Variants in WDR1 observed in about 807,000 individuals in gnomAD.
WDR1 encodes WD repeat domain 1.
A neutral mutation model predicts 71.9 loss-of-function variants in WDR1; 21 were observed. That is an observed-to-expected ratio of 0.29 (90% CI 0.21 to 0.42). The LOEUF (loss-of-function observed/expected upper bound fraction) is 0.42. Ranked by LOEUF, WDR1 falls within the 10% of genes least tolerant of loss-of-function variation. WDR1 has a pLI of 1.00. For synonymous variants in WDR1, 424 were observed against 347.4 expected (o/e 1.22, Z -2.45); for missense variants, 696 against 824.5 (o/e 0.84, Z 1.91).
chr4:10,116,752 C>CG lies in WDR1; in HGVS notation c.-87_-86insC. On this transcript the variant is annotated 5_prime_UTR_variant, in exon 1 of 15. Coordinates refer to ENST00000499869, the MANE Select transcript of WDR1 (RefSeq NM_017491.5). ...GAATTACACCTCGCCGAGGCCGAGC[C>CG]CGGGGACTGGAGCCGGAAGGCGGCA... 1 of 1,258,258 alleles carries CG rather than the reference C, an allele frequency of 7.9e-7. No individual in the cohort carries two copies. The allele number at this position is 1,258,258 out of a possible 1,614,324, so 77.9% of individuals were successfully genotyped here. A position where few individuals can be genotyped will look rare whatever the true frequency, so the allele number is the denominator to read the frequency against.
intron 11 of WDR1, among the ~76,000 whole-genome samples, chr4:10,080,672 A>G (rs113833649): frequency 2.6e-4 from 39 of 152,302 alleles, no homozygotes; most frequent in African/African-American, 8.7e-4. Context: ...CCAACAGATA[A>G]TATCTTCTGC....
chr4:10,114,422 G>A (rs1713580736), intron 2 of WDR1, among the ~76,000 whole-genome samples: 1 of 152,210 alleles, frequency 6.6e-6, no homozygotes, highest in African/African-American at 2.4e-5. Flanking sequence ...CTCCTCTTTA[G>A]AGTAACGGAC....
At chr4:10,078,432 T>C (rs954386348) in intron 12 of WDR1, among the ~76,000 whole-genome samples, 13 of 152,166 alleles carry the variant, frequency 8.5e-5, no homozygotes, top group East Asian at 3.9e-4. Flanking sequence ...CAAGGGAAAC[T>C]GTAAAATGTC....
chr4:10,090,904 A>G (rs1191706001), intron 5 of WDR1, among the ~76,000 whole-genome samples: 1 of 152,198 alleles, frequency 6.6e-6, no homozygotes, highest in Non-Finnish European at 1.5e-5. Flanking sequence ...ATTCCGTTCT[A>G]TGACTGAAGA....
rs918631991 is a variant in WDR1 at position 10,116,779 on chromosome 4, C to G, written c.-113G>C. ...GGGGACTGGAGCCGGAAGGCGGCAC[C>G]GGGCGTGCCGGGAGTGGAGTGGGCG... On this transcript the variant is annotated 5_prime_UTR_variant, in exon 1 of 15. Transcript: ENST00000499869. The G allele has an allele frequency of 1.5e-5, 18 of 1,193,100 alleles. No homozygotes were observed. 73.9% of individuals were successfully genotyped at this position (1,193,100 alleles called of 1,614,324 possible). A position where few individuals can be genotyped will look rare whatever the true frequency, so the allele number is the denominator to read the frequency against.
chr4:10,101,840 T>C (rs188921613), intron 3 of WDR1, among the ~76,000 whole-genome samples: 2 of 152,260 alleles, frequency 1.3e-5, no homozygotes, highest in Non-Finnish European at 1.5e-5. Context: ...TTCGGCTCCA[T>C]GTTAAACATG....
intron 2 of WDR1, among the ~76,000 whole-genome samples, chr4:10,109,901 G>A (rs1465136188): frequency 6.6e-6 from 1 of 152,220 alleles, no homozygotes; most frequent in Non-Finnish European, 1.5e-5. Flanking sequence ...CCAGGGCCCA[G>A]ACAACCTTCT....
At chr4:10,091,254 T>C (rs1711959906) in intron 5 of WDR1, among the ~76,000 whole-genome samples, 1 of 152,236 alleles carries the variant, frequency 6.6e-6, no homozygotes, top group Non-Finnish European at 1.5e-5. Context: ...TTTTGTACCT[T>C]TTTCACTAGT....
intron 3 of WDR1, among the ~76,000 whole-genome samples, chr4:10,101,109 G>T (rs374363296): frequency 6.6e-6 from 1 of 152,242 alleles, no homozygotes; most frequent in South Asian, 2.1e-4. Flanking sequence ...CTGGAACCAC[G>T]GCCCCAGCGC....
intron 10 of WDR1, 107 bp from the exon 11 acceptor site, chr4:10,081,551 CTATTGCCACCTA>C: frequency 1.1e-6 from 1 of 913,130 alleles, no homozygotes; most frequent in South Asian, 1.4e-5. Context: ...GAAGGCAATT[CTATTGCCACCTA>C]TACTGGAGAG....
rs187554441 is a variant in WDR1, at chr4:10,105,895, G to A, written c.139-1909C>T. 1.7e-4 allele frequency among the ~76,000 whole-genome samples: 26 copies of A among 152,310 alleles called. No homozygotes were observed. The East Asian group carries it at 4.8e-3, about 28-fold the overall frequency. ...AAATATCCATCAACAGGTGAACAGAGAAACAGGCAACACACCGCACTGCTT... is the reference window on the plus strand; with the variant it reads ...AAATATCCATCAACAGGTGAACAGAAAAACAGGCAACACACCGCACTGCTT... On this transcript the variant is annotated intron_variant, in intron 2 of 14. Transcript: ENST00000499869.
At chr4:10,116,273 G>A in intron 1 of WDR1, 39 bp from the exon 2 acceptor site, 1 of 1,611,120 alleles carries the variant, frequency 6.2e-7, no homozygotes, top group South Asian at 1.1e-5. Context: ...GTCAGGGCAG[G>A]GCGGGGACGG....
intron 5 of WDR1, 149 bp downstream of exon 5, chr4:10,097,562 C>T (rs961644650): frequency 2.1e-6 from 2 of 952,538 alleles, no homozygotes; most frequent in South Asian, 1.8e-5. Context: ...AGCCCTCCCT[C>T]TCTCTGCACA....
intron 8 of WDR1, among the ~76,000 whole-genome samples, chr4:10,084,855 G>A (rs574524798): frequency 6.6e-6 from 1 of 152,364 alleles, no homozygotes; most frequent in Admixed American, 6.5e-5. Flanking sequence ...AACGTGTGCA[G>A]ACACGTGGCC....
At chr4:10,088,258 CCCA>C (rs1711718404) in intron 7 of WDR1, 32 bp downstream of exon 7, 22 of 1,545,290 alleles carry the variant, frequency 1.4e-5, no homozygotes, top group Admixed American at 2.0e-5. Flanking sequence ...CGGCCAAATT[CCCA>C]CCACTAGGCC....
intron 10 of WDR1, among the ~76,000 whole-genome samples, chr4:10,081,975 T>C (rs1765033867): frequency 6.6e-6 from 1 of 152,202 alleles, no homozygotes. Flanking sequence ...GAAATTTCTG[T>C]GTCACTCGGC....
rs199827768 is a variant in WDR1 at position 10,081,519 on chromosome 4, T to TA, written c.1197-76dup. ...GTAGGTATGCATACATATTTACTGTTAAACCACAGTTTTGCTCCTTAGAAG... is the reference window on the plus strand; with the variant it reads ...GTAGGTATGCATACATATTTACTGTTAAAACCACAGTTTTGCTCCTTAGAAG... On this transcript the variant is annotated intron_variant, in intron 10 of 14. Coordinates refer to ENST00000499869, the MANE Select transcript of WDR1 (RefSeq NM_017491.5). 4.4e-3 allele frequency: 6,146 copies of TA among 1,406,240 alleles called. 194 individuals carry two copies. In the East Asian group the frequency reaches 0.076, roughly 17 times the overall value. 87.1% of individuals were successfully genotyped at this position (1,406,240 alleles called of 1,614,324 possible).
chr4:10,109,875 A>G (rs539364079), intron 2 of WDR1, among the ~76,000 whole-genome samples: 1 of 152,350 alleles, frequency 6.6e-6, no homozygotes, highest in African/African-American at 2.4e-5. Context: ...CATGAAGACA[A>G]GAGCAGAGGT....
At chr4:10,111,111 TCTC>T (rs143771009) in intron 2 of WDR1, among the ~76,000 whole-genome samples, 22,725 of 152,134 alleles carry the variant, frequency 0.15, 2,069 homozygotes, top group Non-Finnish European at 0.21. Flanking sequence ...ATACAGAACT[TCTC>T]CTTACCGTAG....
Sources: gnomAD v4.1 joint callset for allele counts (sites outside exome capture counted in the v4.1 genomes callset) on GRCh38, gnomAD v4.1.1 for gene constraint, MANE v1.5 for transcripts, NCBI Gene and HGNC (gene_info 2026-07-23, HGNC 2026-07-21) for gene names.